Variants in CACNA2D1 observed in about 807,000 individuals in gnomAD.
CACNA2D1 encodes voltage-dependent calcium channel subunit alpha-2/delta-1.
CACNA2D1 carries 53 observed loss-of-function variants against 171.5 expected under a neutral mutation model. The observed-to-expected ratio is 0.31, with a 90% CI of 0.25 to 0.39. CACNA2D1 has a LOEUF of 0.39. CACNA2D1 is among the 10% of genes least tolerant of loss of function. CACNA2D1 has a pLI of 1.00. For synonymous variants in CACNA2D1, 442 were observed against 443.1 expected (o/e 1.00, Z 0.03); for missense variants, 903 against 1,299.8 (o/e 0.69, Z 4.69).
intron 1 of CACNA2D1, among the ~76,000 whole-genome samples, chr7:82,413,925 A>G (rs1827926595): frequency 6.6e-6 from 1 of 152,216 alleles, no homozygotes. Context: ...TATCCTGAAT[A>G]AAAGTTTAAC....
At chr7:82,434,481 T>C (rs73160422) in intron 1 of CACNA2D1, among the ~76,000 whole-genome samples, 2,850 of 152,216 alleles carry the variant, frequency 0.019, 52 homozygotes, top group Non-Finnish European at 0.026. Context: ...AAGTACTTAA[T>C]TAAGTACTCA....
At chr7:82,319,371 C>G (rs6467891) in intron 3 of CACNA2D1, among the ~76,000 whole-genome samples, 14,285 of 152,122 alleles carry the variant, frequency 0.094, 2,097 homozygotes, top group African/African-American at 0.31. Flanking sequence ...TTATATTCAT[C>G]TTTTTATCTA....
chr7:82,425,180 T>C (rs1179354181), intron 1 of CACNA2D1, among the ~76,000 whole-genome samples: 1 of 152,210 alleles, frequency 6.6e-6, no homozygotes, highest in Non-Finnish European at 1.5e-5. Context: ...ATCAGCTGAA[T>C]GCCCTTCAAA....
chr7:81,991,139 AT>A, intron 21 of CACNA2D1, 45 bp downstream of exon 21: 1 of 926,454 alleles, frequency 1.1e-6, no homozygotes, highest in Non-Finnish European at 1.8e-6. Flanking sequence ...CAGACTTAAT[AT>A]TAATCCATTG....
At chr7:82,364,397 C>A (rs1476548430) in intron 1 of CACNA2D1, among the ~76,000 whole-genome samples, 1 of 152,046 alleles carries the variant, frequency 6.6e-6, no homozygotes, top group Non-Finnish European at 1.5e-5. Context: ...TTGTTGTCCA[C>A]CTGTGGATAT....
chr7:82,294,292 T>A (rs896163195), intron 3 of CACNA2D1, among the ~76,000 whole-genome samples: 1 of 152,150 alleles, frequency 6.6e-6, no homozygotes, highest in Non-Finnish European at 1.5e-5. Context: ...AAAATTCAAA[T>A]ATTTTTGGTT....
intron 3 of CACNA2D1, among the ~76,000 whole-genome samples, chr7:82,185,853 T>C (rs1424963504): frequency 6.6e-6 from 1 of 151,948 alleles, no homozygotes; most frequent in African/African-American, 2.4e-5. Flanking sequence ...GGCAAACACA[T>C]TTGATTTAAA....
chr7:82,245,774 A>C (rs1804847348), intron 3 of CACNA2D1, among the ~76,000 whole-genome samples: 1 of 152,134 alleles, frequency 6.6e-6, no homozygotes, highest in African/African-American at 2.4e-5. Flanking sequence ...GAAACTGGTA[A>C]CATTAAAGAT....
chr7:82,100,257 T>A (rs1428122355), intron 6 of CACNA2D1, among the ~76,000 whole-genome samples: 2 of 152,176 alleles, frequency 1.3e-5, no homozygotes, highest in Non-Finnish European at 2.9e-5. Context: ...TTTTCCTTAA[T>A]GCAAATTTAT....
intron 3 of CACNA2D1, among the ~76,000 whole-genome samples, chr7:82,332,721 G>C (rs185704524): frequency 6.6e-6 from 1 of 152,074 alleles, no homozygotes; most frequent in Admixed American, 6.6e-5. Flanking sequence ...GGAACCAGGC[G>C]GGGTGCAGTG....
At chr7:82,256,264 A>G (rs1806292975) in intron 3 of CACNA2D1, among the ~76,000 whole-genome samples, 1 of 152,164 alleles carries the variant, frequency 6.6e-6, no homozygotes, top group African/African-American at 2.4e-5. Context: ...ACTGTACTAC[A>G]GCCTGGGTGA....
At chr7:82,235,582 T>C (rs903550883) in intron 3 of CACNA2D1, among the ~76,000 whole-genome samples, 4 of 152,154 alleles carry the variant, frequency 2.6e-5, no homozygotes, top group African/African-American at 9.6e-5. Flanking sequence ...TAATAAATGC[T>C]GGAATAACAG....
At chr7:82,174,042 CAAAAAAAAAAA>C (rs71093365) in intron 3 of CACNA2D1, among the ~76,000 whole-genome samples, 1 of 45,628 alleles carries the variant, frequency 2.2e-5, no homozygotes, top group South Asian at 1.2e-3. Flanking sequence ...GACCCTGTCT[CAAAAAAAAAAA>C]AAAAAAAAAA....
chr7:82,081,232 G>A (rs1409248007), intron 7 of CACNA2D1, among the ~76,000 whole-genome samples: 2 of 152,122 alleles, frequency 1.3e-5, no homozygotes, highest in African/African-American at 2.4e-5. Flanking sequence ...ACAGGGGTGA[G>A]TCCTTCTATA....
intron 1 of CACNA2D1, among the ~76,000 whole-genome samples, chr7:82,353,268 T>C (rs1820054936): frequency 6.6e-6 from 1 of 152,040 alleles, no homozygotes. Flanking sequence ...CACTGTTGGA[T>C]ATAGAAAGTG....
chr7:82,328,007 G>A (rs1253607765), intron 3 of CACNA2D1, among the ~76,000 whole-genome samples: 1 of 152,134 alleles, frequency 6.6e-6, no homozygotes, highest in East Asian at 1.9e-4. Context: ...TCCTATCTGA[G>A]ACCAGCTCCA....
intron 3 of CACNA2D1, among the ~76,000 whole-genome samples, chr7:82,232,330 G>C (rs1803030474): frequency 6.7e-6 from 1 of 149,956 alleles, no homozygotes; most frequent in African/African-American, 2.4e-5. Context: ...TTCGTTAAAT[G>C]ATGCATATTT....
chr7:82,239,814 T>C (rs1804035351), intron 3 of CACNA2D1, among the ~76,000 whole-genome samples: 1 of 152,140 alleles, frequency 6.6e-6, no homozygotes, highest in African/African-American at 2.4e-5. Context: ...TTACCCTATC[T>C]GCAGGGTCTA....
intron 1 of CACNA2D1, among the ~76,000 whole-genome samples, chr7:82,406,118 C>G (rs996939925): frequency 6.6e-6 from 1 of 152,072 alleles, no homozygotes; most frequent in Non-Finnish European, 1.5e-5. Context: ...CAACTCCCAC[C>G]TATGAGTGAG....
Sources: allele counts gnomAD v4.1 joint callset (sites outside exome capture counted in the v4.1 genomes callset), GRCh38; gene constraint gnomAD v4.1.1; transcripts MANE v1.5; gene names NCBI Gene and HGNC (gene_info 2026-07-23, HGNC 2026-07-21).